Variants in MMD2 observed in about 807,000 individuals in gnomAD.
MMD2 encodes monocyte to macrophage differentiation factor 2.
In MMD2, 30 loss-of-function variants were observed where a neutral mutation model predicts 33.5. That is an observed-to-expected ratio of 0.90 (90% CI 0.67 to 1.22). The LOEUF is 1.22. MMD2 is among the 50% of genes most tolerant of loss of function. The probability of loss-of-function intolerance (pLI) is 0.00; values close to 1 mark genes in which losing one functional copy is unlikely to be tolerated. For missense variants in MMD2, 364 were observed against 325.4 expected (o/e 1.12, Z -0.91); for synonymous variants, 129 against 123.0 (o/e 1.05, Z -0.32).
rs947941831 is a variant in MMD2 at position 4,946,038 on chromosome 7, C to T, written c.47+12933G>A. Among the ~76,000 whole-genome samples the T allele has an allele frequency of 1.1e-4, 16 of 151,846 alleles. No individual in the cohort carries two copies. The highest frequency in any genetic ancestry group is 3.9e-4 in the African/African-American group (16 of 41,446). ...TGCTCAGAGAAGATTCCTCTGGAGA[C>T]GTACACCTCTCTGGGGCAAAATGCA... On this transcript the variant is annotated intron_variant, in intron 1 of 6. Transcript: ENST00000401401. The surrounding 1 kb of genome is among the most constrained non-coding windows in gnomAD (Gnocchi z 5.0).
At chr7:4,916,464 C>G (rs1230100285) in intron 3 of MMD2, among the ~76,000 whole-genome samples, 1 of 150,582 alleles carries the variant, frequency 6.6e-6, no homozygotes, top group Non-Finnish European at 1.5e-5. Context: ...CTCACTGCAA[C>G]CTCCGCTTCC....
At chr7:4,943,078 C>G (rs1475057855) in intron 1 of MMD2, among the ~76,000 whole-genome samples, 6 of 140,456 alleles carry the variant, frequency 4.3e-5, no homozygotes, top group Admixed American at 3.9e-4. Flanking sequence ...GGCGCAATGT[C>G]AGCTCATTGC....
chr7:4,919,074 G>C (rs1785210297), intron 3 of MMD2, among the ~76,000 whole-genome samples: 1 of 151,898 alleles, frequency 6.6e-6, no homozygotes, highest in Non-Finnish European at 1.5e-5. Context: ...ACTCCAGCCT[G>C]GGTGACAGAG....
intron 1 of MMD2, among the ~76,000 whole-genome samples, chr7:4,954,888 G>A (rs1389068461): frequency 6.6e-6 from 1 of 152,072 alleles, no homozygotes; most frequent in Non-Finnish European, 1.5e-5. Context: ...CTCTAAAAGT[G>A]TCTTTTCTGT....
At chr7:4,897,151 C>T in the MMD2 span, among the ~76,000 whole-genome samples, 10 of 151,262 alleles carry the variant, frequency 6.6e-5, no homozygotes, top group South Asian at 4.2e-4. Context: ...TGAGCCACCA[C>T]GCCCGGCCTT....
intron 4 of MMD2, among the ~76,000 whole-genome samples, chr7:4,915,601 G>C (rs901070516): frequency 6.6e-6 from 1 of 151,674 alleles, no homozygotes; most frequent in Non-Finnish European, 1.5e-5. Context: ...TTAGCTGGGC[G>C]TGGTGGCGCG....
intron 1 of MMD2, among the ~76,000 whole-genome samples, chr7:4,933,421 T>C (rs980768596): frequency 6.6e-6 from 1 of 152,234 alleles, no homozygotes. Flanking sequence ...TGGCCCCTCC[T>C]AAATGTAACG....
intron 4 of MMD2, 31 bp from the exon 5 acceptor site, chr7:4,911,277 T>A: frequency 6.5e-7 from 1 of 1,536,418 alleles, no homozygotes; most frequent in Non-Finnish European, 8.8e-7. Context: ...GCCATGGCCC[T>A]GAGGGGGGCC....
At chr7:4,903,161 C>T (rs531253641), downstream of MMD2, among the ~76,000 whole-genome samples, 9 of 152,220 alleles carry the variant, frequency 5.9e-5, no homozygotes, top group South Asian at 1.7e-3. Flanking sequence ...TCACTTGAAC[C>T]CAGGAGGCAG....
At chr7:4,897,457 C>T in the MMD2 span, among the ~76,000 whole-genome samples, 1 of 152,154 alleles carries the variant, frequency 6.6e-6, no homozygotes, top group Non-Finnish European at 1.5e-5. Context: ...AAACGCCACT[C>T]TCAGACATTG....
At chr7:4,925,407 A>C in intron 2 of MMD2, 44 bp downstream of exon 2, 170 of 1,129,462 alleles carry the variant, frequency 1.5e-4, no homozygotes, top group Middle Eastern at 2.7e-4. Context: ...CCTTCCCCGG[A>C]AGTGTCCCCA....
intron 2 of MMD2, among the ~76,000 whole-genome samples, chr7:4,920,874 C>T (rs931908029): frequency 1.3e-5 from 2 of 151,976 alleles, no homozygotes; most frequent in East Asian, 3.9e-4. Flanking sequence ...CCCACCACCA[C>T]GACTGGCCAA....
chr7:4,954,989 G>C (rs1304700477), intron 1 of MMD2, among the ~76,000 whole-genome samples: 1 of 152,038 alleles, frequency 6.6e-6, no homozygotes, highest in African/African-American at 2.4e-5. Context: ...CCTTGCCTAG[G>C]TTTATCAGCA....
chr7:4,911,103 T>C (rs537164358), intron 5 of MMD2, 42 bp downstream of exon 5: 3 of 1,510,450 alleles, frequency 2.0e-6, no homozygotes, highest in East Asian at 2.4e-5. Flanking sequence ...CCAGAGCATC[T>C]AAGGGAATCC....
At chr7:4,939,335 T>A (rs1785837112) in intron 1 of MMD2, among the ~76,000 whole-genome samples, 1 of 151,744 alleles carries the variant, frequency 6.6e-6, no homozygotes, top group Non-Finnish European at 1.5e-5. Context: ...GGCCAGGAGT[T>A]CAAGACACGC....
In MMD2 at chr7:4,906,871, C is replaced by T. The variant is rs2115081446; in HGVS notation, c.*525G>A. The T allele has an allele frequency of 3.7e-6, 1 of 272,590 alleles. No individual in the cohort carries two copies. The highest frequency in any genetic ancestry group is 6.9e-6 in the Non-Finnish European group (1 of 144,474). 16.9% of individuals were successfully genotyped at this position (272,590 alleles called of 1,614,324 possible). ...GTGCTGGGAAGAATTCTGACATCAC[C>T]CATGTGCTGCACTTGATTGGTGATG... On this transcript the variant is annotated 3_prime_UTR_variant, in exon 7 of 7. Transcript: ENST00000401401.
chr7:4,908,791 G>A (rs1282364917), intron 6 of MMD2, among the ~76,000 whole-genome samples: 2 of 151,774 alleles, frequency 1.3e-5, no homozygotes, highest in Non-Finnish European at 2.9e-5. Context: ...CAGCTACTCA[G>A]GAGGCCAAGG....
the MMD2 span, among the ~76,000 whole-genome samples, chr7:4,900,387 G>C: frequency 6.7e-6 from 1 of 149,004 alleles, no homozygotes; most frequent in African/African-American, 2.6e-5. Context: ...CTGGTAAAAA[G>C]GGATGGTGTG....
At chr7:4,955,883 C>T (rs950766384) in intron 1 of MMD2, among the ~76,000 whole-genome samples, 5 of 151,956 alleles carry the variant, frequency 3.3e-5, no homozygotes, top group African/African-American at 9.7e-5. Context: ...TGAAACCCTA[C>T]CTCTACTAAA....
Sources: gnomAD v4.1 joint callset for allele counts (sites outside exome capture counted in the v4.1 genomes callset) on GRCh38, gnomAD v4.1.1 for gene constraint, Gnocchi (gnomAD v3.1) non-coding constraint, MANE v1.5 for transcripts, NCBI Gene and HGNC (gene_info 2026-07-23, HGNC 2026-07-21) for gene names.